Variants in DDX21 observed in about 807,000 individuals in gnomAD.
DDX21 encodes nucleolar RNA helicase 2.
In DDX21, 18 loss-of-function variants were observed where a neutral mutation model predicts 90.0. The ratio of observed to expected loss-of-function variants is 0.20; its 90% CI spans 0.14 to 0.30. The LOEUF (loss-of-function observed/expected upper bound fraction) is 0.30, where lower values mean the gene tolerates loss of function less well. Ranked by LOEUF, DDX21 falls within the 10% of genes least tolerant of loss-of-function variation. The pLI is 1.00. For synonymous variants in DDX21, 294 were observed against 318.0 expected, an observed-to-expected ratio of 0.92 and a Z score of 0.80; for missense variants, 673 against 944.5, an observed-to-expected ratio of 0.71 and a Z score of 3.77.
At chr10:68,969,250 AT>A in intron 7 of DDX21, 129 bp downstream of exon 7, 2 of 945,004 alleles carry the variant, frequency 2.1e-6, no homozygotes, top group Non-Finnish European at 3.1e-6. Context: ...AAGGAAAAAT[AT>A]TTCTATTTGA....
chr10:68,978,382 TG>T (rs1843137182), intron 12 of DDX21, among the ~76,000 whole-genome samples: 1 of 152,202 alleles, frequency 6.6e-6, no homozygotes, highest in African/African-American at 2.4e-5. Flanking sequence ...GTGAATTTTG[TG>T]GTATGTGATT....
chr10:68,965,420 G>T lies in DDX21; in HGVS notation c.830G>T (p.Ser277Ile). ...APTRELANQV[S>I]KDFSDITKKL... ...ACAAGAGAGTTGGCAAATCAAGTAA[G>T]CAAAGACTTCAGTGACATCACAAAA... The change falls in exon 5 of 15, where the codon AGC (serine) becomes ATC (isoleucine). Residue 277 changes from serine (S) to isoleucine (I), a missense_variant. By Grantham distance (142) the Ser-to-Ile change is moderately radical. This residue lies in a region of DDX21 where 218 missense variants were observed against 347.3 expected (regional missense o/e 0.63). Transcript: ENST00000354185. 1 of 1,613,900 alleles carries T rather than the reference G, an allele frequency of 6.2e-7. No individual in the cohort carries two copies. The highest frequency in any genetic ancestry group is 8.5e-7 in the Non-Finnish European group (1 of 1,179,956).
chr10:68,971,382 C>G (rs970851304), intron 8 of DDX21, among the ~76,000 whole-genome samples: 1 of 151,876 alleles, frequency 6.6e-6, no homozygotes, highest in African/African-American at 2.4e-5. Context: ...ATTCTCCTAC[C>G]CACCCCCAAC....
Position 68,982,429 on chromosome 10 carries a change from G to A in DDX21, c.2083-114G>A, listed in dbSNP as rs2132098544. 4.3e-6 allele frequency: 6 copies of A among 1,396,964 alleles called. No individual in the cohort carries two copies. In the Admixed American group the frequency reaches 8.1e-5, roughly 19 times the overall value. 86.5% of individuals were successfully genotyped at this position (1,396,964 alleles called of 1,614,324 possible). ...TTATTTTTGACCAGTGACTTGTTAA[G>A]CACTTATGTTATCACCTTTTCTTTG... On this transcript the variant is annotated intron_variant, in intron 14 of 14. Transcript: ENST00000354185.
chr10:68,960,712 C>G (rs1028085738), intron 2 of DDX21, among the ~76,000 whole-genome samples: 1 of 151,866 alleles, frequency 6.6e-6, no homozygotes, highest in African/African-American at 2.4e-5. Flanking sequence ...ATCTGCCCGC[C>G]TGGGCCTCCC....
At chr10:68,960,984 C>A (rs903484553) in intron 2 of DDX21, among the ~76,000 whole-genome samples, 2 of 152,048 alleles carry the variant, frequency 1.3e-5, no homozygotes, top group African/African-American at 4.8e-5. Flanking sequence ...TGCATAAGTC[C>A]TTTTGGTTAG....
intron 12 of DDX21, among the ~76,000 whole-genome samples, chr10:68,978,010 G>A (rs1843129559): frequency 6.6e-6 from 1 of 152,138 alleles, no homozygotes; most frequent in Non-Finnish European, 1.5e-5. Context: ...CTACCTGGGA[G>A]GCTGGGATGG....
intron 13 of DDX21, among the ~76,000 whole-genome samples, chr10:68,979,347 GTTCT>G (rs1409017832): frequency 6.6e-6 from 1 of 152,128 alleles, no homozygotes; most frequent in Non-Finnish European, 1.5e-5. Flanking sequence ...CAAACCTGGT[GTTCT>G]TTCTTCTGAG....
At chr10:68,956,553 C>T (rs778784216) in intron 1 of DDX21, 386 of 1,360,238 alleles carry the variant, frequency 2.8e-4, no homozygotes, top group Non-Finnish European at 3.4e-4. Context: ...AGCTTATAGG[C>T]ATCCACAGGT....
intron 14 of DDX21, 81 bp from the exon 15 acceptor site, chr10:68,982,462 G>A (rs1843205068): frequency 6.6e-7 from 1 of 1,514,558 alleles, no homozygotes; most frequent in Admixed American, 2.2e-5. Flanking sequence ...TTGAAGAAGT[G>A]GCAAATATTT....
intron 14 of DDX21, 107 bp from the exon 15 acceptor site, chr10:68,982,436 T>C (rs2251911): frequency 3.5e-6 from 5 of 1,438,314 alleles, no homozygotes; most frequent in Non-Finnish European, 4.6e-6. Context: ...TAAGCACTTA[T>C]GTTATCACCT....
Position 68,972,062 on chromosome 10 carries a change from T to G in DDX21, c.1548+10T>G. On this transcript the variant is annotated intron_variant, in intron 9 of 14. Transcript: ENST00000354185. ...AAGCTCTCCACCAAAGGTATGTGCT[T>G]TATGCTTAGATTTTATTTTGTTTTG... The G allele has an allele frequency of 6.3e-7, 1 of 1,594,844 alleles. No individual in the cohort carries two copies. Among genetic ancestry groups the G allele is most frequent in the Non-Finnish European group, 8.5e-7 (1 of 1,172,258 alleles).
At chr10:68,972,700 T>C (rs989930387) in intron 9 of DDX21, among the ~76,000 whole-genome samples, 2 of 152,200 alleles carry the variant, frequency 1.3e-5, no homozygotes, top group Non-Finnish European at 2.9e-5. Flanking sequence ...TTTAGACTTT[T>C]TGATATGGTA....
Position 68,977,523 on chromosome 10 carries a change from C to T in DDX21, c.1743-6C>T, listed in dbSNP as rs1843119437. 1 of 1,603,214 alleles carries T rather than the reference C, an allele frequency of 6.2e-7. No homozygotes were observed. The highest frequency in any genetic ancestry group is 1.3e-5 in the African/African-American group (1 of 74,590). ...TCCTTTCTCCTAACACACTCTCAAA[C>T]AACAGGCTTTTGGATTCCGTGCCTC... On this transcript the variant is annotated splice_region_variant and splice_polypyrimidine_tract_variant and intron_variant, in intron 11 of 14. Transcript: ENST00000354185.
intron 5 of DDX21, among the ~76,000 whole-genome samples, chr10:68,966,093 G>A (rs547736156): frequency 8.9e-4 from 135 of 151,144 alleles, no homozygotes; most frequent in Non-Finnish European, 1.7e-3. Flanking sequence ...GCAGGAGATC[G>A]AGACCATCCT....
intron 8 of DDX21, 128 bp downstream of exon 8, chr10:68,970,478 G>A: frequency 4.5e-6 from 4 of 888,836 alleles, no homozygotes; most frequent in Non-Finnish European, 6.3e-6. Context: ...GAAATGAGAG[G>A]AAGCTACTTT....
At chr10:68,960,361 C>G (rs1028154787) in intron 2 of DDX21, 112 bp downstream of exon 2, 1 of 1,128,952 alleles carries the variant, frequency 8.9e-7, no homozygotes, top group Admixed American at 3.2e-5. Flanking sequence ...GATGTGTCAG[C>G]ACCTTGTGGG....
Position 68,981,579 on chromosome 10 carries a change from C to T in DDX21, c.2080C>T (p.Gln694Ter), listed in dbSNP as rs1843192547. The T allele has an allele frequency of 6.2e-7, 1 of 1,609,784 alleles. No individual in the cohort carries two copies. Among genetic ancestry groups the T allele is most frequent in the African/African-American group, 1.3e-5 (1 of 74,676 alleles). ...ACCTACCGCATCAGTAACAGAAATACAGGTATTCTTTTCCCTTAGATTTTA... is the reference window on the plus strand; with the variant it reads ...ACCTACCGCATCAGTAACAGAAATATAGGTATTCTTTTCCCTTAGATTTTA... ...DVPTASVTEI[Q>*]EKWHDSRRWQ... Residue 694 changes from glutamine to a stop codon, truncating the protein, a stop_gained and splice_region_variant, in exon 14 of 15, where the codon CAG (glutamine) becomes TAG (stop). Transcript: ENST00000354185. LOFTEE classifies it high-confidence loss of function.
Position 68,964,250 on chromosome 10 carries a change from C to T in DDX21, c.786+781C>T, listed in dbSNP as rs562276078. ...AACATTAACCTCATTGAAATGACTG[C>T]GAATGCCCATGTAGTCACTTTGGCT... On this transcript the variant is annotated intron_variant, in intron 4 of 14. Transcript: ENST00000354185. The T allele has an allele frequency of 1.7e-3, 446 of 260,306 alleles. 5 individuals carry two copies. Among genetic ancestry groups the T allele is most frequent in the Non-Finnish European group, 3.1e-3 (402 of 127,774 alleles). The allele number at this position is 260,306 out of a possible 1,614,324, so 16.1% of individuals were successfully genotyped here. A position where few individuals can be genotyped will look rare whatever the true frequency, so the allele number is the denominator to read the frequency against.
Sources: gnomAD v4.1 joint callset for allele counts (sites outside exome capture counted in the v4.1 genomes callset) on GRCh38, gnomAD v4.1.1 for gene constraint, gnomAD v4.1.1 regional missense constraint, MANE v1.5 for transcripts, NCBI Gene and HGNC (gene_info 2026-07-23, HGNC 2026-07-21) for gene names.